Variants in PCDHGB2 observed in about 807,000 individuals in gnomAD.
The protein encoded by PCDHGB2 is protocadherin gamma subfamily B, 2.
A neutral mutation model predicts 59.3 loss-of-function variants in PCDHGB2; 55 were observed. That is an observed-to-expected ratio of 0.93 (90% confidence interval 0.75 to 1.16). The LOEUF (loss-of-function observed/expected upper bound fraction) is 1.16. PCDHGB2 is among the 50% of genes most tolerant of loss of function. PCDHGB2 has a pLI of 0.00. For synonymous variants in PCDHGB2, 516 were observed against 512.0 expected (o/e 1.01, Z -0.11); for missense variants, 1,228 against 1,198.5 (o/e 1.02, Z -0.36).
At chr5:141,461,740 G>T (rs770518286) in intron 1 of PCDHGB2, among the ~76,000 whole-genome samples, 1 of 152,072 alleles carries the variant, frequency 6.6e-6, no homozygotes, top group African/African-American at 2.4e-5. Context: ...GCACAATCCC[G>T]GCTCCCAGAT....
chr5:141,424,203 GC>G (rs777832241), intron 1 of PCDHGB2: 3 of 175,740 alleles, frequency 1.7e-5, no homozygotes, highest in Non-Finnish European at 3.6e-5. Flanking sequence ...ATACACGTAA[GC>G]TTTTCTCTGA....
chr5:141,409,480 C>A, intron 1 of PCDHGB2: 1 of 1,614,002 alleles, frequency 6.2e-7, no homozygotes, highest in Non-Finnish European at 8.5e-7. Flanking sequence ...TAGCCACTGA[C>A]AGGGGCAAGC....
intron 1 of PCDHGB2, chr5:141,404,606 G>T: frequency 6.2e-7 from 1 of 1,614,106 alleles, no homozygotes; most frequent in Non-Finnish European, 8.5e-7. Flanking sequence ...GAGACTGTTT[G>T]TTTTGGACCA....
intron 1 of PCDHGB2, among the ~76,000 whole-genome samples, chr5:141,381,361 G>A (rs1050283609): frequency 6.6e-6 from 1 of 152,198 alleles, no homozygotes; most frequent in Admixed American, 6.5e-5. Context: ...CTAGCAGAGG[G>A]TAGCCTCGGA....
At chr5:141,394,893 G>A (rs769819389) in intron 1 of PCDHGB2, 7 of 1,613,858 alleles carry the variant, frequency 4.3e-6, no homozygotes, top group South Asian at 2.2e-5. Context: ...ACTCTATCTC[G>A]TGGTGGCAGT....
chr5:141,393,573 A>G lies in PCDHGB2; in HGVS notation c.2421+31017A>G, dbSNP rs568065764. 1.2e-4 allele frequency: 190 copies of G among 1,613,964 alleles called. 1 individual carries two copies. In the South Asian group the frequency reaches 2.0e-3, roughly 17 times the overall value. ...GATTTACCGAGTGAAAGTCCTTGAGAACATGCCCCCAGGCACGCGGCTGCT... is the reference window on the plus strand; with the variant it reads ...GATTTACCGAGTGAAAGTCCTTGAGGACATGCCCCCAGGCACGCGGCTGCT... On this transcript the variant is annotated intron_variant, in intron 1 of 3. Coordinates refer to ENST00000522605, the MANE Select transcript of PCDHGB2 (RefSeq NM_018923.3).
At position 141,494,925 on chromosome 5, in the gene PCDHGB2, G is replaced by A. The variant is rs936071950; in HGVS notation, c.2480+60G>A. On this transcript the variant is annotated intron_variant, in intron 2 of 3. Coordinates refer to ENST00000522605, the MANE Select transcript of PCDHGB2 (RefSeq NM_018923.3). ...TGCGGCATTTTCTCAGGGATGACGT[G>A]GGAGGAGATGGGGGAGGGCCCAGCA... is the stretch of plus-strand genomic sequence containing the variant. The A allele has an allele frequency of 3.3e-4, 525 of 1,613,316 alleles. 2 individuals carry two copies. Among genetic ancestry groups the A allele is most frequent in the Admixed American group, 4.7e-4 (28 of 59,956 alleles).
chr5:141,409,875 A>G, intron 1 of PCDHGB2: 1 of 1,612,810 alleles, frequency 6.2e-7, no homozygotes, highest in Non-Finnish European at 8.5e-7. Flanking sequence ...CGCAATGACA[A>G]CGCACCGCGG....
intron 1 of PCDHGB2, chr5:141,423,723 T>C: frequency 8.5e-7 from 1 of 1,174,478 alleles, no homozygotes; most frequent in Non-Finnish European, 1.1e-6. Context: ...TAAGGAGATG[T>C]TTTTTGAGCC....
chr5:141,370,785 C>T, intron 1 of PCDHGB2: 1 of 1,614,018 alleles, frequency 6.2e-7, no homozygotes, highest in Non-Finnish European at 8.5e-7. Flanking sequence ...CGACAACCCA[C>T]CGACCTTTAG....
In PCDHGB2 at chr5:141,480,033, C is replaced by G. The variant is rs370321166; in HGVS notation, c.2422-14774C>G. On this transcript the variant is annotated intron_variant, in intron 1 of 3. Coordinates refer to ENST00000522605, the MANE Select transcript of PCDHGB2 (RefSeq NM_018923.3). ...CTCAATCTCCTTTCTAAGCCTCTTC[C>G]TCATATGCAAAAAGGGAATAATAAG... is the stretch of plus-strand genomic sequence containing the variant. Among the ~76,000 whole-genome samples, 3 of 152,224 alleles carry G rather than the reference C, an allele frequency of 2.0e-5. No individual in the cohort carries two copies. The East Asian group carries it at 5.8e-4, about 29-fold the overall frequency.
At chr5:141,366,499 C>G (rs1245088091) in intron 1 of PCDHGB2, 2 of 1,614,262 alleles carry the variant, frequency 1.2e-6, no homozygotes, top group Non-Finnish European at 1.7e-6. Context: ...ACAAGTCACG[C>G]CTGCTTCAGG....
In PCDHGB2 at chr5:141,426,319, C is replaced by A. The variant is rs572457971; in HGVS notation, c.2421+63763C>A. On this transcript the variant is annotated intron_variant, in intron 1 of 3. Coordinates refer to ENST00000522605, the MANE Select transcript of PCDHGB2 (RefSeq NM_018923.3). ...CAGGGTGAAGCAGAGAAGCAGGACC[C>A]GGCAGTGGCAAGCACTCTTCCCTTT... 9 of 175,482 alleles carry A rather than the reference C, an allele frequency of 5.1e-5. No homozygotes were observed. In the East Asian group the frequency reaches 6.8e-4, roughly 13 times the overall value. The allele number at this position is 175,482 out of a possible 1,614,324, so 10.9% of individuals were successfully genotyped here.
intron 1 of PCDHGB2, chr5:141,365,209 A>G: frequency 2.5e-6 from 4 of 1,613,922 alleles, no homozygotes; most frequent in Non-Finnish European, 3.4e-6. Flanking sequence ...AGACTTTCCA[A>G]CTTGATTCCA....
Position 141,486,200 on chromosome 5 carries a change from G to A in PCDHGB2, c.2422-8607G>A, listed in dbSNP as rs764874531. The stretch of plus-strand genomic sequence containing the variant: ...CAGCCTTCGAGTGGATCTGCTGGAC[G>A]TAAATGACAATGCCCCTTACATCAC... On this transcript the variant is annotated intron_variant, in intron 1 of 3. Transcript: ENST00000522605. The surrounding 1 kb of genome is among the most constrained non-coding windows in gnomAD (Gnocchi z 5.0). The A allele has an allele frequency of 2.0e-5, 32 of 1,614,096 alleles. No homozygotes were observed. Among genetic ancestry groups the A allele is most frequent in the Non-Finnish European group, 2.3e-5 (27 of 1,180,040 alleles).
chr5:141,372,633 A>ACTT, intron 1 of PCDHGB2: 1 of 1,613,996 alleles, frequency 6.2e-7, no homozygotes, highest in Non-Finnish European at 8.5e-7. Context: ...CAGCGAAAGG[A>ACTT]CTTTGCCTTA....
intron 1 of PCDHGB2, among the ~76,000 whole-genome samples, chr5:141,472,113 A>G (rs1296591849): frequency 1.3e-5 from 2 of 152,260 alleles, no homozygotes; most frequent in East Asian, 3.8e-4. Flanking sequence ...ATACATAAAG[A>G]AAATAAAAGA....
intron 1 of PCDHGB2, chr5:141,365,322 C>T (rs1344591303): frequency 6.2e-7 from 1 of 1,613,958 alleles, no homozygotes; most frequent in South Asian, 1.1e-5. Flanking sequence ...GTTGCCAGCG[C>T]TAAGGTGGTG....
At chr5:141,479,328 G>C (rs568506786) in intron 1 of PCDHGB2, 3 of 152,536 alleles carry the variant, frequency 2.0e-5, no homozygotes, top group African/African-American at 7.2e-5. Context: ...CAGACTCAGT[G>C]GTGTGCACCT....
Sources: allele counts gnomAD v4.1 joint callset (sites outside exome capture counted in the v4.1 genomes callset), GRCh38; gene constraint gnomAD v4.1.1; non-coding constraint Gnocchi (gnomAD v3.1); transcripts MANE v1.5; gene names NCBI Gene and HGNC (gene_info 2026-07-23, HGNC 2026-07-21).